Variants in CUL3 observed in about 807,000 individuals in gnomAD.
CUL3 encodes the protein cullin 3.
CUL3 carries 19 observed loss-of-function variants against 89.1 expected under a neutral mutation model. The ratio of observed to expected loss-of-function variants is 0.21; its 90% CI spans 0.15 to 0.31. The LOEUF (loss-of-function observed/expected upper bound fraction) is 0.31. CUL3 is among the 10% of genes least tolerant of loss of function. CUL3 has a pLI of 1.00. For missense variants in CUL3, 469 were observed against 942.3 expected (o/e 0.50, Z 6.58); for synonymous variants, 351 against 308.4 (o/e 1.14, Z -1.45).
intron 2 of CUL3, among the ~76,000 whole-genome samples, chr2:224,537,702 A>G (rs986682852): frequency 5.3e-5 from 8 of 152,178 alleles, no homozygotes; most frequent in African/African-American, 1.9e-4. Context: ...TACAAAAAAA[A>G]TACGTATTTC....
chr2:224,574,793 G>T (rs1695262519), intron 1 of CUL3, among the ~76,000 whole-genome samples: 1 of 152,160 alleles, frequency 6.6e-6, no homozygotes, highest in Admixed American at 6.5e-5. Flanking sequence ...CTCACAATTT[G>T]TGAAAGACTG....
At chr2:224,560,094 AG>A (rs1419672737) in intron 1 of CUL3, among the ~76,000 whole-genome samples, 1 of 152,114 alleles carries the variant, frequency 6.6e-6, no homozygotes, top group East Asian at 1.9e-4. Flanking sequence ...AAAAAGAAGA[AG>A]AAAAAAAAGA....
At chr2:224,481,368 T>C (rs957954256) in intron 14 of CUL3, among the ~76,000 whole-genome samples, 6 of 150,532 alleles carry the variant, frequency 4.0e-5, no homozygotes, top group South Asian at 4.2e-4. Context: ...GTTTAATGAA[T>C]AGAATTTTCA....
At position 224,557,573 on chromosome 2, in the gene CUL3, G is replaced by C; in HGVS notation, c.264+86C>G. On this transcript the variant is annotated intron_variant, in intron 2 of 15. Transcript: ENST00000264414. ...TATAGGCTTCTGGCACCTTTAAAAA[G>C]AACACTTCCGGTCAAAGTGCAATAT... 4.4e-6 allele frequency: 4 copies of C among 900,224 alleles called. No homozygotes were observed. In the East Asian group the frequency reaches 1.0e-4, roughly 23 times the overall value. The allele number at this position is 900,224 out of a possible 1,614,324, so 55.8% of individuals were successfully genotyped here. A position where few individuals can be genotyped will look rare whatever the true frequency, so the allele number is the denominator to read the frequency against.
At chr2:224,529,027 T>C (rs988267488) in intron 3 of CUL3, among the ~76,000 whole-genome samples, 4 of 152,218 alleles carry the variant, frequency 2.6e-5, no homozygotes, top group African/African-American at 9.6e-5. Context: ...GAAATCATTT[T>C]GTTCCCTTTG....
chr2:224,511,690 T>C (rs998610671), intron 5 of CUL3, 108 bp from the exon 6 acceptor site: 45 of 599,980 alleles, frequency 7.5e-5, no homozygotes, highest in Non-Finnish European at 5.3e-5. Flanking sequence ...ATAAAATAAG[T>C]ACTATTAGCA....
chr2:224,538,571 G>A (rs1693976857), intron 2 of CUL3, among the ~76,000 whole-genome samples: 1 of 152,178 alleles, frequency 6.6e-6, no homozygotes, highest in African/African-American at 2.4e-5. Flanking sequence ...GAACCCTGCT[G>A]TACAGGTAGT....
intron 13 of CUL3, among the ~76,000 whole-genome samples, chr2:224,488,649 T>A (rs915032240): frequency 6.6e-6 from 1 of 151,990 alleles, no homozygotes; most frequent in Non-Finnish European, 1.5e-5. Context: ...AAGCCCAGGA[T>A]CAGACGGATT....
intron 1 of CUL3, among the ~76,000 whole-genome samples, chr2:224,572,256 A>C (rs1695197183): frequency 6.6e-6 from 1 of 152,170 alleles, no homozygotes; most frequent in Non-Finnish European, 1.5e-5. Flanking sequence ...CTGTTGAGAA[A>C]GAACAGATTC....
chr2:224,532,460 TA>T (rs369018508), intron 3 of CUL3, among the ~76,000 whole-genome samples: 186 of 126,338 alleles, frequency 1.5e-3, no homozygotes, highest in Middle Eastern at 4.1e-3. Context: ...AAATGCTGCT[TA>T]AAAAAAAAAA....
chr2:224,471,440 G>A lies in CUL3; in HGVS notation c.*2805C>T. The stretch of plus-strand genomic sequence containing the variant: ...AGTGTACTAGTCTTCTAGAGATGTA[G>A]GCATAATCTTAAAACTGGTTCTAGG... On this transcript the variant is annotated 3_prime_UTR_variant, in exon 16 of 16. Coordinates refer to ENST00000264414, the MANE Select transcript of CUL3 (RefSeq NM_003590.5). 1 of 197,502 alleles carries A rather than the reference G, an allele frequency of 5.1e-6. No individual in the cohort carries two copies. The highest frequency in any genetic ancestry group is 1.0e-5 in the Non-Finnish European group (1 of 95,458). The allele number at this position is 197,502 out of a possible 1,614,324, so 12.2% of individuals were successfully genotyped here. A position where few individuals can be genotyped will look rare whatever the true frequency, so the allele number is the denominator to read the frequency against.
At chr2:224,491,538 T>C (rs1364930606) in intron 13 of CUL3, among the ~76,000 whole-genome samples, 1 of 152,240 alleles carries the variant, frequency 6.6e-6, no homozygotes, top group East Asian at 1.9e-4. Flanking sequence ...AATTTCTTCC[T>C]GATACTTATG....
chr2:224,575,259 A>AT (rs1477129274), intron 1 of CUL3, among the ~76,000 whole-genome samples: 1 of 152,208 alleles, frequency 6.6e-6, no homozygotes, highest in African/African-American at 2.4e-5. Context: ...TAGCTCAGGC[A>AT]AGAAAGGGGA....
intron 3 of CUL3, chr2:224,533,123 T>C (rs1693754369): frequency 6.6e-6 from 1 of 152,086 alleles, no homozygotes; most frequent in Non-Finnish European, 1.5e-5. Flanking sequence ...TGCTGGGCAG[T>C]GTGAAGGGTT....
In CUL3 at chr2:224,471,523, G is replaced by C. The variant is rs1691129973; in HGVS notation, c.*2722C>G. ...AAACATCAACAGTGCTTCACTATGA[G>C]AAGGATTCTTACAGAGAAGGCCTAT... On this transcript the variant is annotated 3_prime_UTR_variant, in exon 16 of 16. Transcript: ENST00000264414. The C allele has an allele frequency of 5.1e-6, 1 of 194,624 alleles. No homozygotes were observed. Among genetic ancestry groups the C allele is most frequent in the Non-Finnish European group, 1.1e-5 (1 of 93,492 alleles). 12.1% of individuals were successfully genotyped at this position (194,624 alleles called of 1,614,324 possible).
intron 1 of CUL3, among the ~76,000 whole-genome samples, chr2:224,584,262 G>A (rs1181367445): frequency 1.3e-5 from 2 of 149,802 alleles, no homozygotes; most frequent in East Asian, 3.9e-4. Flanking sequence ...CCAATTGGCC[G>A]GTTTGCTCTC....
At chr2:224,579,074 G>A (rs1421663749) in intron 1 of CUL3, among the ~76,000 whole-genome samples, 1 of 151,928 alleles carries the variant, frequency 6.6e-6, no homozygotes, top group Admixed American at 6.6e-5. Flanking sequence ...TTCAATATTG[G>A]TACTAATAAT....
chr2:224,505,178 C>T (rs1357804939), intron 8 of CUL3, among the ~76,000 whole-genome samples: 1 of 146,936 alleles, frequency 6.8e-6, no homozygotes, highest in Non-Finnish European at 1.5e-5. Context: ...GCTATTGTTG[C>T]CCCAGCTGGA....
intron 13 of CUL3, among the ~76,000 whole-genome samples, chr2:224,489,027 T>C (rs956958953): frequency 1.3e-5 from 2 of 152,202 alleles, no homozygotes; most frequent in Non-Finnish European, 2.9e-5. Context: ...ATTATCTCAA[T>C]AGATGCAGAA....
Sources: allele counts gnomAD v4.1 joint callset (sites outside exome capture counted in the v4.1 genomes callset), GRCh38; gene constraint gnomAD v4.1.1; transcripts MANE v1.5; gene names NCBI Gene and HGNC (gene_info 2026-07-23, HGNC 2026-07-21).